The following PRRC2C variants were observed in gnomAD, a reference collection of about 807,000 sequenced individuals.
PRRC2C encodes protein PRRC2C.
In PRRC2C, 72 loss-of-function variants were observed where a neutral mutation model predicts 317.2. The observed-to-expected ratio is 0.23, with a 90% CI of 0.19 to 0.28. The LOEUF (loss-of-function observed/expected upper bound fraction) is 0.28, where lower values mean the gene tolerates loss of function less well. Among genes scored for constraint, PRRC2C ranks in the 10% least tolerant of loss-of-function variants. The pLI is 1.00. For synonymous variants in PRRC2C, 1,296 were observed against 1,205.9 expected, an observed-to-expected ratio of 1.07 and a Z score of -1.55; for missense variants, 3,074 against 3,459.7, an observed-to-expected ratio of 0.89 and a Z score of 2.80.
intron 1 of PRRC2C, among the ~76,000 whole-genome samples, chr1:171,488,308 T>G (rs529251259): frequency 1.2e-4 from 18 of 152,358 alleles, no homozygotes; most frequent in African/African-American, 3.8e-4. Flanking sequence ...AATCGTGATT[T>G]TGTCACCTTA....
chr1:171,541,521 G>T lies in PRRC2C; in HGVS notation c.4055G>T (p.Arg1352Leu). ...TRRGRGGTFR[R>L]GGRDPGGRPS... ...AGAGGCAGAGGGGGAACATTCAGGC[G>T]TGGTGGAAGGGATCCTGGAGGCCGT... Residue 1352 changes from arginine (R) to leucine (L), a missense_variant, in exon 16 of 35, where the codon CGT (arginine) becomes CTT (leucine). Arg to Leu is a moderately radical substitution (Grantham distance 102). Coordinates refer to ENST00000647382, the MANE Select transcript of PRRC2C (RefSeq NM_001387844.1). The surrounding 1 kb of genome is among the most constrained non-coding windows in gnomAD (Gnocchi z 4.1). 4 of 1,613,536 alleles carry T rather than the reference G, an allele frequency of 2.5e-6. No individual in the cohort carries two copies. The highest frequency in any genetic ancestry group is 3.4e-6 in the Non-Finnish European group (4 of 1,179,726).
At position 171,514,456 on chromosome 1, in the gene PRRC2C, C is replaced by T. The variant is rs971592451; in HGVS notation, c.291-80C>T. ...AAACATATAGCCAAAATAATTTGTA[C>T]ACAGGTTTACCTTAAATATAATATT... On this transcript the variant is annotated intron_variant, in intron 3 of 34. Transcript: ENST00000647382. 5.3e-5 allele frequency: 59 copies of T among 1,119,386 alleles called. No individual in the cohort carries two copies. The African/African-American group carries it at 8.0e-4, about 15-fold the overall frequency. The allele number at this position is 1,119,386 out of a possible 1,614,324, so 69.3% of individuals were successfully genotyped here.
At chr1:171,589,314 T>G (rs1460073316) in intron 33 of PRRC2C, 55 bp from the exon 34 acceptor site, 57 of 697,472 alleles carry the variant, frequency 8.2e-5, no homozygotes, top group South Asian at 1.7e-4. Flanking sequence ...GGCAGTTTTT[T>G]TTTTTTTTTT....
chr1:171,580,751 A>G (rs1648386437), intron 28 of PRRC2C, among the ~76,000 whole-genome samples: 1 of 152,186 alleles, frequency 6.6e-6, no homozygotes, highest in Admixed American at 6.5e-5. Context: ...AGAGTCAGAT[A>G]GTAGGAGCAG....
intron 34 of PRRC2C, chr1:171,591,351 G>A: frequency 1.5e-6 from 1 of 662,774 alleles, no homozygotes; most frequent in Non-Finnish European, 2.2e-6. Context: ...ACCTTGAAAA[G>A]GTGGTGGGAG....
chr1:171,537,961 C>T (rs71637418), intron 15 of PRRC2C, among the ~76,000 whole-genome samples: 23,425 of 151,816 alleles, frequency 0.15, 1,854 homozygotes, highest in Middle Eastern at 0.29. Context: ...AGTGCAGTGG[C>T]GCGATCTCAG....
At chr1:171,534,743 C>A (rs575874853) in intron 12 of PRRC2C, among the ~76,000 whole-genome samples, 4 of 152,148 alleles carry the variant, frequency 2.6e-5, no homozygotes, top group Admixed American at 1.3e-4. Flanking sequence ...TTACAACATT[C>A]TTAATATTGA....
At chr1:171,548,813 C>G (rs545873321) in intron 17 of PRRC2C, among the ~76,000 whole-genome samples, 1 of 152,202 alleles carries the variant, frequency 6.6e-6, no homozygotes, top group Non-Finnish European at 1.5e-5. Context: ...TGCCATCTTA[C>G]ATTCACACAC....
intron 11 of PRRC2C, among the ~76,000 whole-genome samples, chr1:171,529,245 G>C (rs1675324779): frequency 6.6e-6 from 1 of 151,926 alleles, no homozygotes; most frequent in Non-Finnish European, 1.5e-5. Context: ...CTTTTCCTTG[G>C]GTATGTCTTC....
intron 17 of PRRC2C, among the ~76,000 whole-genome samples, chr1:171,548,025 G>A (rs1249270790): frequency 6.6e-6 from 1 of 152,064 alleles, no homozygotes; most frequent in Non-Finnish European, 1.5e-5. Flanking sequence ...GAGTACAGTG[G>A]CGTGATCTCG....
chr1:171,545,287 A>G (rs1678861044), intron 16 of PRRC2C, among the ~76,000 whole-genome samples, 192 bp from the exon 17 acceptor site: 1 of 152,226 alleles, frequency 6.6e-6, no homozygotes, highest in African/African-American at 2.4e-5. Context: ...GAGCTAGTCT[A>G]CTTTCTTGGG....
intron 20 of PRRC2C, among the ~76,000 whole-genome samples, chr1:171,564,911 A>C (rs1443306821): frequency 6.6e-6 from 1 of 152,222 alleles, no homozygotes; most frequent in Non-Finnish European, 1.5e-5. Context: ...TGCGTTGTTC[A>C]TACTCTTGAC....
intron 1 of PRRC2C, among the ~76,000 whole-genome samples, chr1:171,491,559 A>G (rs1667151525): frequency 6.6e-6 from 1 of 152,248 alleles, no homozygotes; most frequent in South Asian, 2.1e-4. Flanking sequence ...AAGGAGACAT[A>G]TTAAGGATAC....
chr1:171,506,016 TGTTCA>T (rs1329939105), intron 1 of PRRC2C, among the ~76,000 whole-genome samples: 3 of 152,172 alleles, frequency 2.0e-5, no homozygotes, highest in African/African-American at 7.2e-5. Flanking sequence ...ATAGCCTTGG[TGTTCA>T]GTAGGCTATG....
At chr1:171,486,565 CATT>C (rs1666163109) in intron 1 of PRRC2C, among the ~76,000 whole-genome samples, 1 of 152,068 alleles carries the variant, frequency 6.6e-6, no homozygotes, top group African/African-American at 2.4e-5. Flanking sequence ...TGTGTTTTGA[CATT>C]ATTTGGGATC....
chr1:171,547,877 T>C (rs1455603200), intron 17 of PRRC2C, among the ~76,000 whole-genome samples: 1 of 152,152 alleles, frequency 6.6e-6, no homozygotes, highest in African/African-American at 2.4e-5. Flanking sequence ...GCTCTCAAAC[T>C]CCTGACTTCA....
intron 16 of PRRC2C, 51 bp downstream of exon 16, chr1:171,542,280 A>G (rs929746369): frequency 7.2e-7 from 1 of 1,397,210 alleles, no homozygotes; most frequent in Non-Finnish European, 9.5e-7. Flanking sequence ...AAAGAAGCTA[A>G]AAGTAGAGTT....
chr1:171,562,519 G>A (rs577109272), intron 20 of PRRC2C, among the ~76,000 whole-genome samples: 1 of 152,208 alleles, frequency 6.6e-6, no homozygotes, highest in African/African-American at 2.4e-5. Context: ...CTGGGAAGTG[G>A]CATGAAAGGT....
intron 5 of PRRC2C, among the ~76,000 whole-genome samples, chr1:171,516,613 A>G (rs1672414271): frequency 6.6e-6 from 1 of 152,244 alleles, no homozygotes. Flanking sequence ...CTATTGCTGC[A>G]TAACAAATTT....
Sources: allele counts gnomAD v4.1 joint callset (sites outside exome capture counted in the v4.1 genomes callset), GRCh38; gene constraint gnomAD v4.1.1; non-coding constraint Gnocchi (gnomAD v3.1); transcripts MANE v1.5; gene names NCBI Gene and HGNC (gene_info 2026-07-23, HGNC 2026-07-21).